Variants in ST18 observed in about 807,000 individuals in gnomAD.
ST18 encodes suppression of tumorigenicity 18 protein.
A neutral mutation model predicts 110.0 loss-of-function variants in ST18; 50 were observed. That is an observed-to-expected ratio of 0.45 (90% confidence interval 0.36 to 0.58). ST18 has a LOEUF of 0.58. Among genes scored for constraint, ST18 ranks in the 20% least tolerant of loss-of-function variants. ST18 has a pLI of 0.00. For missense variants in ST18, 1,306 were observed against 1,280.1 expected, an observed-to-expected ratio of 1.02 and a Z score of -0.31; for synonymous variants, 461 against 452.4, an observed-to-expected ratio of 1.02 and a Z score of -0.24.
chr8:52,299,225 G>C (rs1443478740), intron 2 of ST18, among the ~76,000 whole-genome samples: 1 of 151,978 alleles, frequency 6.6e-6, no homozygotes, highest in Non-Finnish European at 1.5e-5. Context: ...TCAGCCATTT[G>C]ATCTCTTAGC....
At chr8:52,284,677 A>C (rs2095439483) in intron 2 of ST18, among the ~76,000 whole-genome samples, 3 of 152,174 alleles carry the variant, frequency 2.0e-5, no homozygotes, top group Admixed American at 6.5e-5. Flanking sequence ...GGTTACAGAG[A>C]GCATTACTGA....
intron 2 of ST18, among the ~76,000 whole-genome samples, chr8:52,357,681 ATATATATATATATATAT>A (rs1564568040): frequency 4.2e-3 from 80 of 19,030 alleles, no homozygotes; most frequent in African/African-American, 0.016. Context: ...CTATAAATAT[ATATATATATATATATAT>A]ATATATATAT....
intron 2 of ST18, among the ~76,000 whole-genome samples, chr8:52,257,208 T>G (rs891867851): frequency 6.6e-6 from 1 of 152,230 alleles, no homozygotes; most frequent in Non-Finnish European, 1.5e-5. Context: ...CATTCATTGA[T>G]TGATGGACAC....
At chr8:52,352,106 G>A (rs115215093) in intron 2 of ST18, among the ~76,000 whole-genome samples, 457 of 152,288 alleles carry the variant, frequency 3.0e-3, no homozygotes, top group African/African-American at 0.01. Context: ...AAGTGTAGTC[G>A]ATTTGGCATG....
chr8:52,210,106 G>A (rs1315089563), intron 8 of ST18: 2 of 455,964 alleles, frequency 4.4e-6, no homozygotes, highest in African/African-American at 2.0e-5. Context: ...CATGTCCACG[G>A]GCACACTGAT....
At chr8:52,329,776 A>C (rs1434941593) in intron 2 of ST18, among the ~76,000 whole-genome samples, 1 of 152,140 alleles carries the variant, frequency 6.6e-6, no homozygotes, top group Non-Finnish European at 1.5e-5. Context: ...AAAGAAAGAA[A>C]CAAAAAAAGA....
chr8:52,374,981 C>T (rs1174307638), intron 2 of ST18, among the ~76,000 whole-genome samples: 1 of 152,152 alleles, frequency 6.6e-6, no homozygotes, highest in Non-Finnish European at 1.5e-5. Context: ...CCGAAGGCTG[C>T]AGAAGTCACA....
chr8:52,358,225 T>C (rs914996021), intron 2 of ST18, among the ~76,000 whole-genome samples: 49 of 152,034 alleles, frequency 3.2e-4, no homozygotes, highest in Non-Finnish European at 4.1e-4. Flanking sequence ...GGGAAATTTA[T>C]AGCTATAAAC....
chr8:52,233,684 C>T (rs546361171), intron 2 of ST18, among the ~76,000 whole-genome samples: 26 of 152,232 alleles, frequency 1.7e-4, no homozygotes, highest in Non-Finnish European at 3.4e-4. Context: ...TCGTCCAATG[C>T]TTATCCAATT....
chr8:52,143,635 G>A (rs1402466566), intron 16 of ST18, among the ~76,000 whole-genome samples: 4 of 152,168 alleles, frequency 2.6e-5, no homozygotes, highest in African/African-American at 9.6e-5. Flanking sequence ...ACAGAGGTAG[G>A]TATTTCTTGA....
At position 52,322,783 on chromosome 8, in the gene ST18, A is replaced by G. The variant is rs143830598; in HGVS notation, c.-465+86545T>C. On this transcript the variant is annotated intron_variant, in intron 2 of 25. Coordinates refer to ENST00000689386, the MANE Select transcript of ST18 (RefSeq NM_001352837.2). The stretch of plus-strand genomic sequence containing the variant: ...ATCTGACTCATTTTGGTTAAAAACT[A>G]AACAATATCCAAAGTGAAGTCATAA... Among the ~76,000 whole-genome samples the G allele has an allele frequency of 6.0e-3, 916 of 152,374 alleles. 7 individuals carry two copies. The highest frequency in any genetic ancestry group is 0.021 in the African/African-American group (868 of 41,578).
intron 2 of ST18, among the ~76,000 whole-genome samples, chr8:52,379,664 C>T (rs1235940865): frequency 1.3e-5 from 2 of 151,884 alleles, no homozygotes; most frequent in African/African-American, 4.8e-5. Flanking sequence ...TATGTAGATA[C>T]TAGTCTATTG....
At chr8:52,316,124 C>T (rs1400017260) in intron 2 of ST18, among the ~76,000 whole-genome samples, 1 of 152,110 alleles carries the variant, frequency 6.6e-6, no homozygotes, top group African/African-American at 2.4e-5. Context: ...TATTAGATAA[C>T]ACAGGTCAAA....
intron 8 of ST18, among the ~76,000 whole-genome samples, chr8:52,195,082 G>A (rs1400903371): frequency 6.6e-6 from 1 of 152,226 alleles, no homozygotes; most frequent in Non-Finnish European, 1.5e-5. Context: ...TGACAGAGCA[G>A]TTCAGCTACT....
At chr8:52,311,844 T>C (rs1379245056) in intron 2 of ST18, among the ~76,000 whole-genome samples, 1 of 152,164 alleles carries the variant, frequency 6.6e-6, no homozygotes, top group Non-Finnish European at 1.5e-5. Flanking sequence ...ACTTTGGGGA[T>C]GACAGTTCAA....
At chr8:52,395,003 C>A (rs1357866634) in intron 2 of ST18, among the ~76,000 whole-genome samples, 2 of 152,196 alleles carry the variant, frequency 1.3e-5, no homozygotes, top group African/African-American at 2.4e-5. Flanking sequence ...TTTCCAGAAC[C>A]ATATGGCAAG....
intron 2 of ST18, among the ~76,000 whole-genome samples, chr8:52,377,203 A>G (rs1832748101): frequency 6.6e-6 from 1 of 152,214 alleles, no homozygotes; most frequent in Non-Finnish European, 1.5e-5. Flanking sequence ...AAAAAAAATA[A>G]TTATATTACC....
chr8:52,118,853 T>C (rs1239133787), intron 23 of ST18, among the ~76,000 whole-genome samples: 1 of 152,148 alleles, frequency 6.6e-6, no homozygotes, highest in East Asian at 1.9e-4. Context: ...AAGTTCAAAT[T>C]AAGAGGCAGA....
intron 2 of ST18, among the ~76,000 whole-genome samples, chr8:52,386,116 T>C (rs916359960): frequency 2.1e-4 from 32 of 152,144 alleles, no homozygotes; most frequent in Admixed American, 1.9e-3. Context: ...AAACTATAGA[T>C]AGTAGAAACG....
Sources: gnomAD v4.1 joint callset for allele counts (sites outside exome capture counted in the v4.1 genomes callset) on GRCh38, gnomAD v4.1.1 for gene constraint, MANE v1.5 for transcripts, NCBI Gene and HGNC (gene_info 2026-07-23, HGNC 2026-07-21) for gene names.